Variants in MYO1B observed in about 807,000 individuals in gnomAD.
The protein encoded by MYO1B is myosin IB.
A neutral mutation model predicts 159.7 loss-of-function variants in MYO1B; 72 were observed. The ratio of observed to expected loss-of-function variants is 0.45; its 90% CI spans 0.37 to 0.55. MYO1B has a LOEUF of 0.55. MYO1B is among the 20% of genes least tolerant of loss of function. The pLI is 0.00. For missense variants in MYO1B, 1,062 were observed against 1,364.8 expected, an observed-to-expected ratio of 0.78 and a Z score of 3.50; for synonymous variants, 468 against 473.8, an observed-to-expected ratio of 0.99 and a Z score of 0.16.
chr2:191,337,466 C>G (rs1451014212), intron 4 of MYO1B, among the ~76,000 whole-genome samples: 2 of 152,092 alleles, frequency 1.3e-5, no homozygotes, highest in Non-Finnish European at 2.9e-5. Context: ...TAATTCTGAT[C>G]TAGATATTCT....
intron 4 of MYO1B, among the ~76,000 whole-genome samples, chr2:191,330,950 G>A (rs1254715302): frequency 6.6e-6 from 1 of 152,156 alleles, no homozygotes; most frequent in South Asian, 2.1e-4. Context: ...ATCTGCCATA[G>A]GTGTTGAGTC....
At chr2:191,398,838 G>A (rs2126128337) in intron 21 of MYO1B, among the ~76,000 whole-genome samples, 1 of 152,264 alleles carries the variant, frequency 6.6e-6, no homozygotes, top group East Asian at 1.9e-4. Flanking sequence ...GCCAGGCAGA[G>A]ACGCTCCTCA....
At chr2:191,406,000 T>A (rs1362438034) in intron 24 of MYO1B, among the ~76,000 whole-genome samples, 2 of 152,376 alleles carry the variant, frequency 1.3e-5, no homozygotes, top group African/African-American at 4.8e-5. Context: ...TAGCAGGCTG[T>A]TTTGTCTACA....
intron 23 of MYO1B, 78 bp from the exon 24 acceptor site, chr2:191,402,554 T>C: frequency 8.2e-7 from 1 of 1,219,134 alleles, no homozygotes; most frequent in Non-Finnish European, 1.2e-6. Flanking sequence ...CTCTTCTGTT[T>C]GGTGGGATAT....
chr2:191,259,462 G>A (rs896920019), intron 1 of MYO1B, among the ~76,000 whole-genome samples: 1 of 152,134 alleles, frequency 6.6e-6, no homozygotes, highest in African/African-American at 2.4e-5. Flanking sequence ...CATAATCATA[G>A]AGTACATACA....
At chr2:191,281,364 G>T (rs1042185341) in intron 2 of MYO1B, among the ~76,000 whole-genome samples, 1 of 152,178 alleles carries the variant, frequency 6.6e-6, no homozygotes, top group African/African-American at 2.4e-5. Flanking sequence ...AACACACAGG[G>T]TCAGAGACTC....
intron 7 of MYO1B, among the ~76,000 whole-genome samples, chr2:191,354,886 A>T (rs541414504): frequency 6.6e-6 from 1 of 152,284 alleles, no homozygotes; most frequent in East Asian, 1.9e-4. Flanking sequence ...ATTGGTAATC[A>T]TTTTATTTTA....
chr2:191,397,908 G>A (rs1172804892), intron 21 of MYO1B, among the ~76,000 whole-genome samples: 2 of 108,806 alleles, frequency 1.8e-5, no homozygotes, highest in South Asian at 3.4e-4. Flanking sequence ...GGGCAGAGGC[G>A]CCCCTCACCT....
chr2:191,355,451 A>G (rs1253276647), intron 7 of MYO1B, among the ~76,000 whole-genome samples: 1 of 152,248 alleles, frequency 6.6e-6, no homozygotes, highest in South Asian at 2.1e-4. Flanking sequence ...TAAAATAGGC[A>G]CAAGAATCAA....
chr2:191,286,415 G>A (rs557925457), intron 2 of MYO1B, among the ~76,000 whole-genome samples: 105 of 151,994 alleles, frequency 6.9e-4, no homozygotes, highest in African/African-American at 1.1e-3. Context: ...TAAAAACACC[G>A]TGGCATATGA....
chr2:191,288,069 C>T (rs1277005097), intron 2 of MYO1B, among the ~76,000 whole-genome samples: 2 of 151,926 alleles, frequency 1.3e-5, no homozygotes, highest in Non-Finnish European at 2.9e-5. Context: ...AACAGTGTTC[C>T]ATTGTACGTA....
chr2:191,405,170 C>T (rs1473918362), intron 24 of MYO1B, among the ~76,000 whole-genome samples: 1 of 152,222 alleles, frequency 6.6e-6, no homozygotes, highest in Non-Finnish European at 1.5e-5. Flanking sequence ...TAGATTCCAT[C>T]TCAGGAAACT....
At chr2:191,279,222 T>G (rs1687913099) in intron 2 of MYO1B, among the ~76,000 whole-genome samples, 1 of 152,248 alleles carries the variant, frequency 6.6e-6, no homozygotes, top group Admixed American at 6.5e-5. Flanking sequence ...TTCCATGAGA[T>G]GTGTGCCTTT....
intron 1 of MYO1B, among the ~76,000 whole-genome samples, chr2:191,274,002 C>G (rs1214842155): frequency 2.0e-5 from 3 of 152,136 alleles, no homozygotes; most frequent in Admixed American, 2.0e-4. Context: ...ATGGTGGTCA[C>G]AATACCAGAA....
intron 18 of MYO1B, among the ~76,000 whole-genome samples, chr2:191,391,459 G>A (rs1057335999): frequency 7.9e-5 from 12 of 152,162 alleles, no homozygotes; most frequent in African/African-American, 2.9e-4. Context: ...TTTGGGTACT[G>A]TTTCAGTTCC....
rs952742357 is a variant in MYO1B, at chr2:191,381,206, C to T, written c.1186-256C>T. On this transcript the variant is annotated intron_variant, in intron 13 of 30. Coordinates refer to ENST00000392318, the MANE Select transcript of MYO1B (RefSeq NM_001130158.3). ...GTTTCTAGCTTTTCTGTTTGGGGTG[C>T]TTCTCTGTCAACTAAAAGTCTTCAT... 4 of 489,616 alleles carry T rather than the reference C, an allele frequency of 8.2e-6. No homozygotes were observed. The Middle Eastern group carries it at 1.6e-3, about 191-fold the overall frequency. The allele number at this position is 489,616 out of a possible 1,614,324, so 30.3% of individuals were successfully genotyped here. A position where few individuals can be genotyped will look rare whatever the true frequency, so the allele number is the denominator to read the frequency against.
intron 3 of MYO1B, among the ~76,000 whole-genome samples, chr2:191,320,710 G>A (rs1026909623): frequency 9.9e-5 from 15 of 151,970 alleles, no homozygotes; most frequent in African/African-American, 3.4e-4. Flanking sequence ...GTCTTGTATT[G>A]AGCACCTGCT....
intron 3 of MYO1B, among the ~76,000 whole-genome samples, chr2:191,319,275 A>G (rs1690549988): frequency 6.6e-6 from 1 of 152,132 alleles, no homozygotes; most frequent in African/African-American, 2.4e-5. Context: ...GGACAGGGGT[A>G]AGGGAGGGAA....
At position 191,368,571 on chromosome 2, in the gene MYO1B, G is replaced by A. The variant is rs531637193; in HGVS notation, c.1033-971G>A. Among the ~76,000 whole-genome samples the A allele has an allele frequency of 5.9e-5, 9 of 152,282 alleles. No homozygotes were observed. The South Asian group carries it at 1.9e-3, about 32-fold the overall frequency. ...AGATGCATATGTCTTCTGCCTCTTT[G>A]TCAAGTAGTTCTGAATAACTTTAAA... On this transcript the variant is annotated intron_variant, in intron 11 of 30. Coordinates refer to ENST00000392318, the MANE Select transcript of MYO1B (RefSeq NM_001130158.3).
Sources: allele counts gnomAD v4.1 joint callset (sites outside exome capture counted in the v4.1 genomes callset), GRCh38; gene constraint gnomAD v4.1.1; transcripts MANE v1.5; gene names NCBI Gene and HGNC (gene_info 2026-07-23, HGNC 2026-07-21).